RGS6: variants seen among roughly 807,000 people sequenced by gnomAD.
RGS6 encodes regulator of G-protein signaling 6.
A neutral mutation model predicts 78.5 loss-of-function variants in RGS6; 30 were observed. The ratio of observed to expected loss-of-function variants is 0.38; its 90% CI spans 0.29 to 0.52. The LOEUF (loss-of-function observed/expected upper bound fraction) is 0.52, where lower values mean the gene tolerates loss of function less well. Ranked by LOEUF, RGS6 falls within the 20% of genes least tolerant of loss-of-function variation. The probability of loss-of-function intolerance (pLI) is 0.85; values close to 1 mark genes in which losing one functional copy is unlikely to be tolerated. For synonymous variants in RGS6, 206 were observed against 206.0 expected, an observed-to-expected ratio of 1.00 and a Z score of 0.00; for missense variants, 495 against 609.7, an observed-to-expected ratio of 0.81 and a Z score of 1.98.
chr14:72,218,139 G>C (rs2046020763), intron 2 of RGS6, among the ~76,000 whole-genome samples: 2 of 152,120 alleles, frequency 1.3e-5, no homozygotes, highest in South Asian at 4.1e-4. Context: ...TATTGTTGCT[G>C]CATGTGTTTT....
intron 2 of RGS6, among the ~76,000 whole-genome samples, chr14:72,318,650 A>G (rs75150090): frequency 2.1e-3 from 317 of 152,346 alleles, no homozygotes; most frequent in Non-Finnish European, 3.2e-3. Flanking sequence ...CAGGTTATAG[A>G]TTTTGACAAA....
intron 3 of RGS6, among the ~76,000 whole-genome samples, chr14:72,383,856 T>A (rs531454836): frequency 6.6e-6 from 1 of 152,298 alleles, no homozygotes; most frequent in African/African-American, 2.4e-5. Context: ...CAAAATTTGA[T>A]CTGCTGTATG....
intron 2 of RGS6, among the ~76,000 whole-genome samples, chr14:72,141,008 T>C (rs762004293): frequency 6.6e-6 from 1 of 152,246 alleles, no homozygotes; most frequent in Non-Finnish European, 1.5e-5. Flanking sequence ...GAACATTGTT[T>C]TACCATTTAC....
At chr14:72,371,333 G>C (rs2083462551) in intron 3 of RGS6, among the ~76,000 whole-genome samples, 1 of 151,740 alleles carries the variant, frequency 6.6e-6, no homozygotes, top group African/African-American at 2.4e-5. Flanking sequence ...ATTTTTCCTT[G>C]TTTGATTTTT....
At chr14:72,558,040 T>C (rs569148482) in intron 17 of RGS6, among the ~76,000 whole-genome samples, 1 of 152,280 alleles carries the variant, frequency 6.6e-6, no homozygotes, top group South Asian at 2.1e-4. Context: ...TGAACAGACC[T>C]GAAGTACATG....
At chr14:71,913,646 A>G in the RGS6 span, among the ~76,000 whole-genome samples, 1 of 152,226 alleles carries the variant, frequency 6.6e-6, no homozygotes, top group Admixed American at 6.5e-5. Context: ...AGACTTACGA[A>G]GGAAGTGAGC....
chr14:72,265,564 C>T (rs1219774907), intron 2 of RGS6, among the ~76,000 whole-genome samples: 1 of 152,126 alleles, frequency 6.6e-6, no homozygotes, highest in Non-Finnish European at 1.5e-5. Flanking sequence ...GAGCTTGCAA[C>T]CACCCCCTTC....
chr14:72,043,194 T>C (rs2092568902), intron 2 of RGS6, among the ~76,000 whole-genome samples: 1 of 152,182 alleles, frequency 6.6e-6, no homozygotes, highest in South Asian at 2.1e-4. Context: ...TGATTCGTAG[T>C]CTGCATAGCT....
chr14:72,238,853 T>C (rs1600194307), intron 2 of RGS6, among the ~76,000 whole-genome samples: 1 of 152,234 alleles, frequency 6.6e-6, no homozygotes, highest in East Asian at 1.9e-4. Flanking sequence ...CCTAAAACAC[T>C]CATACAACCT....
intron 2 of RGS6, among the ~76,000 whole-genome samples, chr14:72,077,285 G>T (rs2094612501): frequency 6.6e-6 from 1 of 151,948 alleles, no homozygotes; most frequent in South Asian, 2.1e-4. Flanking sequence ...CCATTGAGGG[G>T]TTTCCTACTG....
chr14:72,208,174 T>C (rs1364176517), intron 2 of RGS6, among the ~76,000 whole-genome samples: 1 of 152,152 alleles, frequency 6.6e-6, no homozygotes, highest in African/African-American at 2.4e-5. Context: ...TATGAAGACT[T>C]TACTTTCTGA....
chr14:72,279,814 G>A (rs1328384033), intron 2 of RGS6, among the ~76,000 whole-genome samples: 1 of 152,144 alleles, frequency 6.6e-6, no homozygotes. Flanking sequence ...ATTAAGTATA[G>A]GGTATAGAAG....
intron 3 of RGS6, among the ~76,000 whole-genome samples, chr14:72,408,114 C>A (rs975508201): frequency 1.3e-5 from 2 of 152,168 alleles, no homozygotes; most frequent in African/African-American, 4.8e-5. Flanking sequence ...CCACTTATAA[C>A]ACTTACTATT....
chr14:71,896,819 G>A, the RGS6 span, among the ~76,000 whole-genome samples: 9 of 152,356 alleles, frequency 5.9e-5, no homozygotes, highest in African/African-American at 2.2e-4. Flanking sequence ...TTCTTTCTCA[G>A]TATGTGTAGC....
At chr14:72,526,261 G>A (rs1003542780) in intron 15 of RGS6, among the ~76,000 whole-genome samples, 1 of 119,004 alleles carries the variant, frequency 8.4e-6, no homozygotes, top group African/African-American at 3.3e-5. Context: ...CTGCCACCAC[G>A]CCCAGCTAAT....
rs190192898 is a variant in RGS6 at position 72,382,802 on chromosome 14, T to C, written c.184+30608T>C. On this transcript the variant is annotated intron_variant, in intron 3 of 17. Transcript: ENST00000553525. ...GGATACAATTCAAAAACAATATTCC[T>C]GAGAATAAGCACAGGATATCTCATG... Among the ~76,000 whole-genome samples the C allele has an allele frequency of 3.8e-4, 58 of 152,268 alleles. 1 individual carries two copies. In the East Asian group the frequency reaches 8.7e-3, roughly 23 times the overall value.
chr14:72,162,051 T>C (rs959512023), intron 2 of RGS6, among the ~76,000 whole-genome samples: 2 of 152,230 alleles, frequency 1.3e-5, no homozygotes, highest in Non-Finnish European at 2.9e-5. Context: ...CTATGAAATT[T>C]AAGTGATGTG....
chr14:72,467,711 GATGATCAT>G (rs1359962941), intron 7 of RGS6, among the ~76,000 whole-genome samples: 1 of 152,138 alleles, frequency 6.6e-6, no homozygotes, highest in Non-Finnish European at 1.5e-5. Flanking sequence ...TGCATTATCA[GATGATCAT>G]ATGTTGGAAT....
At chr14:72,074,891 C>T (rs1435493763) in intron 2 of RGS6, among the ~76,000 whole-genome samples, 1 of 152,124 alleles carries the variant, frequency 6.6e-6, no homozygotes, top group African/African-American at 2.4e-5. Context: ...TCTGTTTTGT[C>T]TTCAGCTGTC....
Sources: gnomAD v4.1 joint callset for allele counts (sites outside exome capture counted in the v4.1 genomes callset) on GRCh38, gnomAD v4.1.1 for gene constraint, MANE v1.5 for transcripts, NCBI Gene and HGNC (gene_info 2026-07-23, HGNC 2026-07-21) for gene names.